Variants in KLF17 observed in about 807,000 individuals in gnomAD.
KLF17 encodes KLF transcription factor 17.
In KLF17, 31 loss-of-function variants were observed where a neutral mutation model predicts 34.2. The ratio of observed to expected loss-of-function variants is 0.91; its 90% CI spans 0.68 to 1.22. KLF17 has a LOEUF of 1.22. Among genes scored for constraint, KLF17 ranks in the 50% most tolerant of loss-of-function variants. The probability of loss-of-function intolerance (pLI) is 0.00; values close to 1 mark genes in which losing one functional copy is unlikely to be tolerated. For missense variants in KLF17, 478 were observed against 505.2 expected (o/e 0.95, Z 0.52); for synonymous variants, 179 against 186.7 (o/e 0.96, Z 0.34).
chr1:44,082,255 C>T, the KLF17 span, among the ~76,000 whole-genome samples: 3 of 152,080 alleles, frequency 2.0e-5, no homozygotes, highest in African/African-American at 7.2e-5. Context: ...AACTGAATAG[C>T]GGAAGATTAA....
At chr1:44,090,707 C>G in the KLF17 span, among the ~76,000 whole-genome samples, 1 of 152,032 alleles carries the variant, frequency 6.6e-6, no homozygotes, top group Admixed American at 6.6e-5. Flanking sequence ...AGGAGACAAC[C>G]TCAGAAAAGT....
intron 1 of KLF17, among the ~76,000 whole-genome samples, chr1:44,125,099 T>C (rs1202964236): frequency 3.3e-5 from 5 of 152,208 alleles, no homozygotes; most frequent in African/African-American, 1.2e-4. Flanking sequence ...CAATTGTCCA[T>C]ATATTTACCC....
In KLF17 at chr1:44,129,861, C is replaced by T; in HGVS notation, c.590C>T (p.Pro197Leu). ...GAAACATTGTTGGGCCCGACTGTGC[C>T]TTCCACTGAGGCCCAGGCAGTGCTC... ...SDETLLGPTV[P>L]STEAQAVLPS... The change falls in exon 2 of 4, where the codon CCT becomes CTT. Residue 197 changes from proline to leucine, a missense_variant. Transcript: ENST00000372299. 1.2e-6 allele frequency: 2 copies of T among 1,614,220 alleles called. No homozygotes were observed. Among genetic ancestry groups the T allele is most frequent in the South Asian group, 1.1e-5 (1 of 91,088 alleles).
upstream of KLF17, among the ~76,000 whole-genome samples, chr1:44,118,473 C>T (rs544811310): frequency 6.6e-6 from 1 of 152,154 alleles, no homozygotes; most frequent in Non-Finnish European, 1.5e-5. Context: ...GCTCTCCTAT[C>T]GGTAGAGGCC....
the KLF17 span, among the ~76,000 whole-genome samples, chr1:44,084,682 A>G: frequency 2.9e-5 from 4 of 138,474 alleles, no homozygotes; most frequent in African/African-American, 1.1e-4. Context: ...CTTGTCTCAA[A>G]AAAAAAAAAA....
chr1:44,091,241 A>AT, the KLF17 span, among the ~76,000 whole-genome samples: 36 of 151,862 alleles, frequency 2.4e-4, no homozygotes, highest in Non-Finnish European at 4.4e-5. Context: ...GAAGAGTGGC[A>AT]TTTTTTTTAC....
chr1:44,102,939 G>A, the KLF17 span, among the ~76,000 whole-genome samples: 4 of 152,086 alleles, frequency 2.6e-5, no homozygotes, highest in Non-Finnish European at 5.9e-5. Flanking sequence ...GACACAAAGA[G>A]GCTTTTACAG....
chr1:44,111,463 GTTTT>G, the KLF17 span, among the ~76,000 whole-genome samples: 3 of 90,476 alleles, frequency 3.3e-5, no homozygotes, highest in Admixed American at 3.8e-4. Context: ...TTTGCAACTT[GTTTT>G]TTTTTTTTTT....
rs773666549 is a variant in KLF17 at position 44,129,686 on chromosome 1, A to C, written c.415A>C (p.Asn139His). The C allele has an allele frequency of 1.2e-6, 2 of 1,614,062 alleles. No individual in the cohort carries two copies. The highest frequency in any genetic ancestry group is 2.2e-5 in the South Asian group (2 of 91,086). Residue 139 changes from asparagine to histidine, a missense_variant, in exon 2 of 4, where the codon AAT becomes CAT. By Grantham distance (68) the Asn-to-His change is moderately conservative. Coordinates refer to ENST00000372299, the MANE Select transcript of KLF17 (RefSeq NM_173484.4). ...GPQLMPVGEP[N>H]IPRVARPFGG... ...CCAACTAATGCCCGTAGGAGAGCCCAATATTCCAAGGGTAGCCAGGCCCTT... is the reference window on the plus strand; with the variant it reads ...CCAACTAATGCCCGTAGGAGAGCCCCATATTCCAAGGGTAGCCAGGCCCTT...
chr1:44,098,858 T>C, the KLF17 span, among the ~76,000 whole-genome samples: 48,886 of 151,130 alleles, frequency 0.32, 8,058 homozygotes, highest in South Asian at 0.38. Context: ...CCATCTTTTA[T>C]TCATATTTCT....
chr1:44,099,216 C>A, the KLF17 span, among the ~76,000 whole-genome samples: 1 of 151,460 alleles, frequency 6.6e-6, no homozygotes, highest in Non-Finnish European at 1.5e-5. Flanking sequence ...CCAGCCTGGG[C>A]AACACCATCA....
chr1:44,090,306 C>CAAAAAAAAAAAAAAAAAAAAAA, the KLF17 span, among the ~76,000 whole-genome samples: 6 of 23,416 alleles, frequency 2.6e-4, 1 homozygote, highest in Non-Finnish European at 3.5e-4. Context: ...CTTGTCTCTA[C>CAAAAAAAAAAAAAAAAAAAAAA]AAAAAAAAAA....
At chr1:44,082,366 A>G in the KLF17 span, among the ~76,000 whole-genome samples, 2 of 152,266 alleles carry the variant, frequency 1.3e-5, no homozygotes, top group African/African-American at 2.4e-5. Context: ...TCCATTTTGA[A>G]TGAAACATTA....
chr1:44,070,017 C>G, the KLF17 span: 2 of 152,216 alleles, frequency 1.3e-5, no homozygotes, highest in Non-Finnish European at 2.9e-5. Context: ...CCCTTCTGTG[C>G]TCTGCATTCC....
chr1:44,109,990 TCCG>T, the KLF17 span, among the ~76,000 whole-genome samples: 2 of 138,146 alleles, frequency 1.4e-5, no homozygotes, highest in Non-Finnish European at 3.0e-5. Context: ...TCACTGCACC[TCCG>T]CCTCCCGGGT....
chr1:44,132,783 T>G (rs1034473655), intron 3 of KLF17, among the ~76,000 whole-genome samples: 3 of 152,210 alleles, frequency 2.0e-5, no homozygotes, highest in Non-Finnish European at 2.9e-5. Context: ...AAGTGGCCTA[T>G]CTTTCCTTGC....
chr1:44,064,032 A>G, the KLF17 span, among the ~76,000 whole-genome samples: 1 of 152,166 alleles, frequency 6.6e-6, no homozygotes, highest in Non-Finnish European at 1.5e-5. Context: ...TGGAAAGTGG[A>G]CCAAAAGAGG....
chr1:44,133,161 T>C (rs1306514213), intron 3 of KLF17, 77 bp from the exon 4 acceptor site: 1 of 152,236 alleles, frequency 6.6e-6, no homozygotes, highest in Non-Finnish European at 1.5e-5. Context: ...AGAAAGGCTC[T>C]CTGGAGGAGG....
chr1:44,127,715 C>CTT (rs1557732119), intron 1 of KLF17, among the ~76,000 whole-genome samples: 44 of 62,074 alleles, frequency 7.1e-4, no homozygotes, highest in African/African-American at 5.1e-3. Context: ...TTTCTTTCTT[C>CTT]TCTTTTCTTT....
Sources: allele counts gnomAD v4.1 joint callset (sites outside exome capture counted in the v4.1 genomes callset), GRCh38; gene constraint gnomAD v4.1.1; transcripts MANE v1.5; gene names NCBI Gene and HGNC (gene_info 2026-07-23, HGNC 2026-07-21).